The following SMARCA1 variants were observed in gnomAD, a reference collection of about 807,000 sequenced individuals.
SMARCA1 encodes SNF2 related chromatin remodeling ATPase 1, also known as SWI/SNF-related matrix-associated actin-dependent regulator of chromatin subfamily A member 1.
Under a neutral mutation model 93.6 loss-of-function variants are expected in SMARCA1, and 17 were observed. The ratio of observed to expected loss-of-function variants is 0.18; its 90% CI spans 0.12 to 0.27. SMARCA1 has a LOEUF of 0.27. Among genes scored for constraint, SMARCA1 ranks in the 10% least tolerant of loss-of-function variants. The pLI is 1.00. For missense variants in SMARCA1, 630 were observed against 819.0 expected, an observed-to-expected ratio of 0.77 and a Z score of 2.82; for synonymous variants, 271 against 271.4, an observed-to-expected ratio of 1.00 and a Z score of 0.01.
chrX:129,469,562 G>GCC (rs1388470336), intron 20 of SMARCA1, among the ~76,000 whole-genome samples: 1 of 111,826 alleles, frequency 8.9e-6, no homozygotes, highest in African/African-American at 3.3e-5. Context: ...CACTCCTCGA[G>GCC]CCCCAACTCA....
intron 21 of SMARCA1, 39 bp downstream of exon 21, chrX:129,468,734 C>T (rs769415997): frequency 6.4e-5 from 66 of 1,029,558 alleles, no homozygotes; most frequent in Non-Finnish European, 7.5e-5. Flanking sequence ...AAATGAATAA[C>T]GTTAAAATAC....
chrX:129,469,897 T>C (rs183072652), intron 20 of SMARCA1, among the ~76,000 whole-genome samples: 216 of 111,867 alleles, frequency 1.9e-3, no homozygotes, highest in African/African-American at 6.5e-3. Flanking sequence ...ATTTTGAAAA[T>C]AGAACATGAA....
At chrX:129,500,136 A>C (rs2124300778) in intron 9 of SMARCA1, among the ~76,000 whole-genome samples, 1 of 106,458 alleles carries the variant, frequency 9.4e-6, no homozygotes, top group South Asian at 4.0e-4. Context: ...AAAAAAAAAA[A>C]AAAGAAGCTG....
At chrX:129,484,388 G>A (rs918146913) in intron 17 of SMARCA1, among the ~76,000 whole-genome samples, 5 of 111,419 alleles carry the variant, frequency 4.5e-5, no homozygotes, top group East Asian at 2.8e-4. Context: ...AATATAAGCC[G>A]TCTAAGTGAA....
At chrX:129,458,159 T>C (rs749400868) in intron 23 of SMARCA1, among the ~76,000 whole-genome samples, 2 of 112,364 alleles carry the variant, frequency 1.8e-5, no homozygotes, top group Non-Finnish European at 3.8e-5. Flanking sequence ...CATAAACAAA[T>C]GTGTGTCCAT....
rs1022131736 is a variant in SMARCA1, at chrX:129,516,875, T to G, written c.262-378A>C. Among the ~76,000 whole-genome samples the G allele has an allele frequency of 2.7e-5, 3 of 111,832 alleles. No homozygotes were observed. In the East Asian group the frequency reaches 8.3e-4, roughly 31 times the overall value. ...AACATCATTTTATTAAATAAAATAG[T>G]AACAAAATTAAGCATCAAATATATA... On this transcript the variant is annotated intron_variant, in intron 2 of 24. Transcript: ENST00000371121.
chrX:129,481,610 T>C (rs1189779418), intron 17 of SMARCA1, among the ~76,000 whole-genome samples: 1 of 111,355 alleles, frequency 9.0e-6, no homozygotes, highest in African/African-American at 3.3e-5. Context: ...ATCAGAGAAA[T>C]GCAAATCAAA....
At chrX:129,461,901 T>G (rs1932811838) in intron 23 of SMARCA1, among the ~76,000 whole-genome samples, 1 of 111,812 alleles carries the variant, frequency 8.9e-6, no homozygotes, top group African/African-American at 3.2e-5. Flanking sequence ...GAAATTGAAC[T>G]GAAACTCATT....
intron 23 of SMARCA1, among the ~76,000 whole-genome samples, chrX:129,459,526 A>G (rs1197329571): frequency 8.9e-6 from 1 of 112,833 alleles, no homozygotes; most frequent in Admixed American, 9.4e-5. Context: ...TTCATGTCAG[A>G]TTGTTACAAC....
At chrX:129,450,347 C>T (rs1932228512) in intron 23 of SMARCA1, among the ~76,000 whole-genome samples, 1 of 111,886 alleles carries the variant, frequency 8.9e-6, no homozygotes, top group South Asian at 3.8e-4. Context: ...GAAACCAGCC[C>T]TGCTGGCACC....
chrX:129,479,653 ATATTT>A (rs3069688), intron 19 of SMARCA1, among the ~76,000 whole-genome samples: 3,592 of 93,993 alleles, frequency 0.038, 88 homozygotes, highest in African/African-American at 0.058. Flanking sequence ...AATAGTGTTA[ATATTT>A]TATTTTATTT....
rs780314962 is a variant in SMARCA1 at position 129,457,554 on chromosome X, G to T, written c.3030+7966C>A. ...ACAGAGTTCATAAAATCATAAACTCGCAAGATGAGAAAGGAACTTTTAAGT... is the reference window on the plus strand; with the variant it reads ...ACAGAGTTCATAAAATCATAAACTCTCAAGATGAGAAAGGAACTTTTAAGT... On this transcript the variant is annotated intron_variant, in intron 23 of 24. Coordinates refer to ENST00000371121, the MANE Select transcript of SMARCA1 (RefSeq NM_001282874.2). Among the ~76,000 whole-genome samples the T allele has an allele frequency of 3.6e-5, 4 of 111,941 alleles. No individual in the cohort carries two copies. In the East Asian group the frequency reaches 8.4e-4, roughly 24 times the overall value.
At chrX:129,486,932 T>A in intron 17 of SMARCA1, 86 bp downstream of exon 17, 2 of 750,242 alleles carry the variant, frequency 2.7e-6, no homozygotes, top group Non-Finnish European at 3.9e-6. Flanking sequence ...CAGGGTATTA[T>A]AATAGGTAAG....
intron 17 of SMARCA1, among the ~76,000 whole-genome samples, chrX:129,482,906 A>G (rs1160700607): frequency 1.8e-5 from 2 of 111,660 alleles, no homozygotes; most frequent in African/African-American, 6.5e-5. Flanking sequence ...CTGAATTCCA[A>G]CCTTGGCATC....
chrX:129,522,427 C>A (rs757369250), intron 1 of SMARCA1, among the ~76,000 whole-genome samples: 12 of 106,258 alleles, frequency 1.1e-4, no homozygotes, highest in African/African-American at 3.4e-4. Flanking sequence ...TGGGGTGGCC[C>A]TGGAGTGAAA....
chrX:129,454,775 T>G (rs1021462677), intron 23 of SMARCA1, among the ~76,000 whole-genome samples: 3 of 111,618 alleles, frequency 2.7e-5, no homozygotes, highest in Non-Finnish European at 5.6e-5. Flanking sequence ...TAGGTATATC[T>G]CCTAATGCTA....
At chrX:129,511,691 T>G (rs1260930152) in intron 6 of SMARCA1, 113 bp downstream of exon 6, 5 of 552,723 alleles carry the variant, frequency 9.0e-6, no homozygotes, top group Non-Finnish European at 1.2e-5. Flanking sequence ...ACATACACCT[T>G]AAGTCTTATT....
At chrX:129,450,134 G>A (rs1250251500) in intron 23 of SMARCA1, among the ~76,000 whole-genome samples, 1 of 112,175 alleles carries the variant, frequency 8.9e-6, no homozygotes, top group Non-Finnish European at 1.9e-5. Context: ...GACTGTATTT[G>A]AAGATGGGGA....
In SMARCA1 at chrX:129,487,057, T is replaced by C; in HGVS notation, c.2178A>G (p.Leu726=). 8.5e-7 allele frequency: 1 copy of C among 1,174,276 alleles called. No individual in the cohort carries two copies. The highest frequency in any genetic ancestry group is 1.2e-6 in the Non-Finnish European group (1 of 867,424). The part of the protein sequence containing the change: ...RNFRMDIEQS[L]YKFEGEDYRE... ...TATAATCTTCTCCCTCAAATTTGTATAAACTTTGTTCAATGTCCATTCTAA... is the reference window on the plus strand; with the variant it reads ...TATAATCTTCTCCCTCAAATTTGTACAAACTTTGTTCAATGTCCATTCTAA... Residue 726 remains leucine, a synonymous_variant, in exon 17 of 25, where the codon TTA becomes TTG. Transcript: ENST00000371121.
Sources: allele counts gnomAD v4.1 joint callset (sites outside exome capture counted in the v4.1 genomes callset), GRCh38; gene constraint gnomAD v4.1.1; transcripts MANE v1.5; gene names NCBI Gene and HGNC (gene_info 2026-07-23, HGNC 2026-07-21).